DMD: variants seen among roughly 807,000 people sequenced by gnomAD.
DMD encodes mutant dystrophin.
Under a neutral mutation model 330.1 loss-of-function variants are expected in DMD, and 63 were observed. That is an observed-to-expected ratio of 0.19 (90% CI 0.16 to 0.24). The LOEUF is 0.24. DMD is among the 10% of genes least tolerant of loss of function. The pLI is 1.00. For synonymous variants in DMD, 1,223 were observed against 959.8 expected (o/e 1.27, Z -5.07); for missense variants, 3,344 against 2,684.1 (o/e 1.25, Z -5.43).
intron 2 of DMD, among the ~76,000 whole-genome samples, chrX:32,990,645 C>T (rs2092949647): frequency 9.0e-6 from 1 of 111,568 alleles, no homozygotes; most frequent in Non-Finnish European, 1.9e-5. Context: ...TGAAATGGTT[C>T]ATAACTACAA....
intron 67 of DMD, among the ~76,000 whole-genome samples, chrX:31,201,203 A>ACG (rs1339613667): frequency 1.3e-4 from 14 of 107,545 alleles, no homozygotes; most frequent in Non-Finnish European, 2.3e-4. Flanking sequence ...ACACACGCAC[A>ACG]CACACACACA....
intron 47 of DMD, among the ~76,000 whole-genome samples, chrX:31,911,399 G>GT (rs2094544462): frequency 8.9e-6 from 1 of 111,771 alleles, no homozygotes; most frequent in East Asian, 2.8e-4. Context: ...GACTACAAAA[G>GT]TAAGTGTTGT....
intron 43 of DMD, among the ~76,000 whole-genome samples, chrX:32,263,436 T>A (rs1165905876): frequency 1.8e-5 from 2 of 112,553 alleles, no homozygotes; most frequent in Non-Finnish European, 3.7e-5. Context: ...CAGAATAACA[T>A]GAAAATATGC....
chrX:32,058,091 G>A (rs1243919704), intron 44 of DMD, among the ~76,000 whole-genome samples: 2 of 111,098 alleles, frequency 1.8e-5, no homozygotes, highest in African/African-American at 6.5e-5. Context: ...ATGAAATGGA[G>A]TAAAGACTTA....
intron 37 of DMD, among the ~76,000 whole-genome samples, chrX:32,349,569 G>A (rs762511570): frequency 3.4e-4 from 38 of 111,407 alleles, no homozygotes; most frequent in African/African-American, 1.2e-3. Flanking sequence ...ACATTCCCAG[G>A]AAGAGGTTGA....
At chrX:31,205,596 T>A (rs2043987715) in intron 66 of DMD, among the ~76,000 whole-genome samples, 1 of 112,413 alleles carries the variant, frequency 8.9e-6, no homozygotes, top group South Asian at 3.7e-4. Flanking sequence ...CACACAGGTA[T>A]CCCATCTCAT....
At chrX:32,772,905 G>A (rs1437751613) in intron 7 of DMD, among the ~76,000 whole-genome samples, 1 of 111,720 alleles carries the variant, frequency 9.0e-6, no homozygotes, top group Non-Finnish European at 1.9e-5. Flanking sequence ...AGAAACTCGG[G>A]CAAACTCATG....
At chrX:31,595,010 C>G (rs2077049246) in intron 55 of DMD, among the ~76,000 whole-genome samples, 1 of 111,127 alleles carries the variant, frequency 9.0e-6, no homozygotes, top group Non-Finnish European at 1.9e-5. Context: ...TTTATAATAG[C>G]TTACATTAGT....
chrX:32,933,215 G>A (rs2089735590), intron 2 of DMD, among the ~76,000 whole-genome samples: 1 of 111,717 alleles, frequency 9.0e-6, no homozygotes, highest in Non-Finnish European at 1.9e-5. Flanking sequence ...TGAGGGAAGG[G>A]AGCCAGAAGT....
intron 5 of DMD, 149 bp downstream of exon 5, chrX:32,823,146 G>A (rs1490757922): frequency 2.2e-6 from 1 of 464,474 alleles, no homozygotes; most frequent in Non-Finnish European, 3.8e-6. Flanking sequence ...TAACATTTCA[G>A]ACGACATGGT....
intron 12 of DMD, among the ~76,000 whole-genome samples, chrX:32,598,821 A>G (rs1335908461): frequency 1.8e-5 from 2 of 111,916 alleles, no homozygotes; most frequent in Non-Finnish European, 3.8e-5. Context: ...GCTAACGTAA[A>G]GTACCACTAA....
chrX:32,210,381 C>T (rs144198234), intron 44 of DMD, among the ~76,000 whole-genome samples: 2,326 of 111,159 alleles, frequency 0.021, 69 homozygotes, highest in African/African-American at 0.07. Flanking sequence ...TTATTCTTAA[C>T]GTTAGGGTCC....
chrX:32,412,179 G>GA (rs753288164), intron 29 of DMD: 69 of 1,097,584 alleles, frequency 6.3e-5, no homozygotes, highest in Non-Finnish European at 7.9e-5. Flanking sequence ...AAATAGGCTG[G>GA]AAAAAAAATT....
At chrX:31,864,485 C>CTTTTTTTTT (rs201374257) in intron 48 of DMD, among the ~76,000 whole-genome samples, 1 of 54,349 alleles carries the variant, frequency 1.8e-5, no homozygotes, top group Non-Finnish European at 3.1e-5. Context: ...TTTTGAAGGC[C>CTTTTTTTTT]TTTTTTTTTT....
chrX:31,200,791 G>C (rs901714814), intron 67 of DMD, among the ~76,000 whole-genome samples: 1 of 111,323 alleles, frequency 9.0e-6, no homozygotes, highest in African/African-American at 3.3e-5. Context: ...GTGAAGTGGA[G>C]GCTTGCTAGG....
intron 52 of DMD, among the ~76,000 whole-genome samples, chrX:31,690,397 C>T (rs1210902499): frequency 2.2e-4 from 24 of 109,841 alleles, no homozygotes; most frequent in African/African-American, 4.7e-4. Context: ...ATCAGAGAAA[C>T]GCAAATCAAA....
intron 2 of DMD, among the ~76,000 whole-genome samples, chrX:33,015,505 C>T (rs186059014): frequency 4.5e-5 from 5 of 110,123 alleles, no homozygotes; most frequent in Non-Finnish European, 9.5e-5. Context: ...CACACTGGAG[C>T]TTATCGGAAG....
At chrX:31,970,305 C>T (rs940169515) in intron 44 of DMD, among the ~76,000 whole-genome samples, 2 of 110,340 alleles carry the variant, frequency 1.8e-5, no homozygotes, top group Non-Finnish European at 3.8e-5. Context: ...GGAGGAAGTT[C>T]AGGCTCATCA....
intron 1 of DMD, among the ~76,000 whole-genome samples, chrX:33,029,503 T>C (rs1020318669): frequency 2.7e-5 from 3 of 111,846 alleles, no homozygotes; most frequent in African/African-American, 9.8e-5. Context: ...GTAGGTCAAT[T>C]GCTTTTTTAT....
Sources: allele counts gnomAD v4.1 joint callset (sites outside exome capture counted in the v4.1 genomes callset), GRCh38; gene constraint gnomAD v4.1.1; transcripts MANE v1.5; gene names NCBI Gene and HGNC (gene_info 2026-07-23, HGNC 2026-07-21).